The following ERICH1 variants were observed in gnomAD, a reference collection of about 807,000 sequenced individuals.
ERICH1 encodes the protein glutamate-rich protein 1.
Under a neutral mutation model 39.6 loss-of-function variants are expected in ERICH1, and 56 were observed. The ratio of observed to expected loss-of-function variants is 1.41; its 90% CI spans 1.14 to 1.77. The LOEUF is 1.77. ERICH1 is among the 40% of genes most tolerant of loss of function. The probability of loss-of-function intolerance (pLI) is 0.00; values close to 1 mark genes in which losing one functional copy is unlikely to be tolerated. For synonymous variants in ERICH1, 313 were observed against 223.6 expected, an observed-to-expected ratio of 1.40 and a Z score of -3.57; for missense variants, 826 against 575.4, an observed-to-expected ratio of 1.44 and a Z score of -4.45.
In ERICH1 at chr8:673,546, G is replaced by C; in HGVS notation, c.806C>G (p.Ala269Gly). Residue 269 changes from alanine (A) to glycine (G), a missense_variant, in exon 4 of 6, where the codon GCC becomes GGC. By Grantham distance (60) the Ala-to-Gly change is moderately conservative. Coordinates refer to ENST00000262109, the MANE Select transcript of ERICH1 (RefSeq NM_207332.3). ...GGTGTCCACACCGTCCTCCTCCCTG[G>C]CGTCTTTAACGTCTTCCTCCCCGGC... ...TPAGEEDVKD[A>G]REEDGVDTIE... is the part of the protein sequence containing the mutation. 6.2e-7 allele frequency: 1 copy of C among 1,610,278 alleles called. No homozygotes were observed. Among genetic ancestry groups the C allele is most frequent in the Non-Finnish European group, 8.5e-7 (1 of 1,178,014 alleles).
At chr8:622,997 T>C (rs918163222) in intron 3 of ERICH1, among the ~76,000 whole-genome samples, 8 of 117,742 alleles carry the variant, frequency 6.8e-5, no homozygotes, top group African/African-American at 2.4e-4. Flanking sequence ...ACATCAATAC[T>C]AATCAATACC....
chr8:731,139 C>T lies in ERICH1; in HGVS notation c.22+1G>A. 6.6e-7 allele frequency: 1 copy of T among 1,524,008 alleles called. No individual in the cohort carries two copies. Among genetic ancestry groups the T allele is most frequent in the Non-Finnish European group, 8.8e-7 (1 of 1,138,452 alleles). 94.4% of individuals were successfully genotyped at this position (1,524,008 alleles called of 1,614,324 possible). ...CAGGCCTCCGCACCGCACCCACCTA[C>T]CGTGCTTCCTGTGCGCCGCCATGCG... is the stretch of plus-strand genomic sequence containing the variant. On this transcript the variant is annotated splice_donor_variant, in intron 1 of 5. Coordinates refer to ENST00000262109, the MANE Select transcript of ERICH1 (RefSeq NM_207332.3). LOFTEE classifies it high-confidence loss of function.
At chr8:614,962 A>G in exon 4 of ERICH1, 1 of 359,348 alleles carries the variant, frequency 2.8e-6, no homozygotes, top group African/African-American at 2.1e-5. Flanking sequence ...ACAAACTGTG[A>G]CTGAGCCACA....
intron 4 of ERICH1, 49 bp from the exon 5 acceptor site, chr8:668,841 AT>A (rs1802710270): frequency 1.3e-6 from 2 of 1,512,908 alleles, no homozygotes; most frequent in African/African-American, 2.8e-5. Context: ...TTTTATTTCT[AT>A]AAACTAAAGA....
intron 3 of ERICH1, among the ~76,000 whole-genome samples, chr8:637,341 C>A (rs1477180397): frequency 1.3e-5 from 2 of 152,242 alleles, no homozygotes; most frequent in African/African-American, 4.8e-5. Flanking sequence ...ACAGCTGTGC[C>A]TGATTCTGCG....
intron 1 of ERICH1, among the ~76,000 whole-genome samples, chr8:729,104 G>A (rs918107258): frequency 6.6e-6 from 1 of 152,266 alleles, no homozygotes; most frequent in Non-Finnish European, 1.5e-5. Context: ...CACTTAGCTC[G>A]GGGAGGGAGG....
intron 3 of ERICH1, among the ~76,000 whole-genome samples, chr8:642,424 A>C (rs542845200): frequency 7.0e-6 from 1 of 142,436 alleles, no homozygotes; most frequent in East Asian, 2.1e-4. Flanking sequence ...GGCTCACTGC[A>C]AGCTCCTCCT....
At chr8:695,750 G>T (rs368759608) in intron 2 of ERICH1, among the ~76,000 whole-genome samples, 7 of 65,452 alleles carry the variant, frequency 1.1e-4, no homozygotes, top group Admixed American at 2.8e-4. Flanking sequence ...CGCCTGTGCT[G>T]GCTCCTCTCA....
chr8:683,212 G>A (rs1373433182), intron 3 of ERICH1, among the ~76,000 whole-genome samples: 1 of 152,224 alleles, frequency 6.6e-6, no homozygotes, highest in African/African-American at 2.4e-5. Flanking sequence ...TGTGGCTGGC[G>A]TGGACCATGG....
intron 3 of ERICH1, among the ~76,000 whole-genome samples, chr8:685,450 A>G (rs62487404): frequency 0.041 from 6,200 of 152,272 alleles, 197 homozygotes; most frequent in African/African-American, 0.091. Flanking sequence ...GTCCTGAGGC[A>G]ACATACATTC....
At chr8:643,088 C>T (rs1017570492) in intron 3 of ERICH1, among the ~76,000 whole-genome samples, 1 of 152,062 alleles carries the variant, frequency 6.6e-6, no homozygotes, top group South Asian at 2.1e-4. Context: ...CCCAGGACAT[C>T]GGGTGCCCTT....
At chr8:708,681 G>GTTTTTTGTTTTTTTTTTTGTTT in intron 2 of ERICH1, among the ~76,000 whole-genome samples, 1 of 65,816 alleles carries the variant, frequency 1.5e-5, no homozygotes, top group Non-Finnish European at 3.0e-5. Context: ...GGGATAATGA[G>GTTTTTTGTTTTTTTTTTTGTTT]TTTTTTTTTT....
In ERICH1 at chr8:699,084, C is replaced by T. The variant is rs577973299; in HGVS notation, c.170-6472G>A. Among the ~76,000 whole-genome samples, 4 of 152,034 alleles carry T rather than the reference C, an allele frequency of 2.6e-5. No individual in the cohort carries two copies. In the South Asian group the frequency reaches 6.2e-4, roughly 24 times the overall value. On this transcript the variant is annotated intron_variant, in intron 2 of 5. Coordinates refer to ENST00000262109, the MANE Select transcript of ERICH1 (RefSeq NM_207332.3). ...CATGCCTGAAAAGAGCACCGCACTA[C>T]GGCCTGCGCAACACAGGGAAACCCT...
chr8:631,891 T>C (rs1409018436), intron 3 of ERICH1, among the ~76,000 whole-genome samples: 3 of 152,112 alleles, frequency 2.0e-5, no homozygotes, highest in Non-Finnish European at 4.4e-5. Context: ...ATGCTGTACT[T>C]GTTTCTAGAG....
chr8:687,511 G>C (rs753400090), intron 3 of ERICH1, among the ~76,000 whole-genome samples: 14 of 152,388 alleles, frequency 9.2e-5, no homozygotes, highest in Non-Finnish European at 1.9e-4. Context: ...GGGCAGAGAA[G>C]GGGCCCGCTA....
intron 2 of ERICH1, among the ~76,000 whole-genome samples, chr8:701,674 A>G (rs916433990): frequency 6.6e-6 from 1 of 152,274 alleles, no homozygotes; most frequent in Admixed American, 6.5e-5. Flanking sequence ...AAAGCGTAAA[A>G]TATCTTTGTT....
At chr8:680,606 C>T (rs946778096) in intron 3 of ERICH1, among the ~76,000 whole-genome samples, 4 of 151,572 alleles carry the variant, frequency 2.6e-5, no homozygotes, top group Non-Finnish European at 4.4e-5. Flanking sequence ...GAATCCACAG[C>T]TGCCACCCCT....
At position 651,951 on chromosome 8, in the gene ERICH1, T is replaced by A. The variant is rs148796401; in HGVS notation, c.976+16647A>T. 5.2e-3 allele frequency among the ~76,000 whole-genome samples: 793 copies of A among 152,256 alleles called. 4 individuals are homozygous for A. The highest frequency in any genetic ancestry group is 0.017 in the African/African-American group (713 of 41,542). On this transcript the variant is annotated intron_variant, in intron 3 of 3. Coordinates refer to the ERICH1 transcript ENST00000522706. ...TGCTTGGTAATAAATGTGGCAGGAA[T>A]GGTGAAATTAGAAGATCAACTATTT...
Position 648,252 on chromosome 8 carries a change from T to C in ERICH1, c.976+20346A>G, listed in dbSNP as rs1018603323. Among the ~76,000 whole-genome samples, 12 of 65,244 alleles carry C rather than the reference T, an allele frequency of 1.8e-4. 4 individuals carry two copies. The highest frequency in any genetic ancestry group is 4.9e-4 in the African/African-American group (12 of 24,376). The allele number at this position is 65,244 out of a possible 152,430, so 42.8% of individuals were successfully genotyped here. On this transcript the variant is annotated intron_variant, in intron 3 of 3. Coordinates refer to the ERICH1 transcript ENST00000522706. ...AGCACCCAGAACTATGGGAAATACATTTCTTTTCTTTACGGATGAACCAGT... is the reference window on the plus strand; with the variant it reads ...AGCACCCAGAACTATGGGAAATACACTTCTTTTCTTTACGGATGAACCAGT...
Sources: gnomAD v4.1 joint callset for allele counts (sites outside exome capture counted in the v4.1 genomes callset) on GRCh38, gnomAD v4.1.1 for gene constraint, MANE v1.5 for transcripts, NCBI Gene and HGNC (gene_info 2026-07-23, HGNC 2026-07-21) for gene names.